MTR: variants seen among roughly 807,000 people sequenced by gnomAD.
MTR encodes the protein methionine synthase.
Under a neutral mutation model 154.8 loss-of-function variants are expected in MTR, and 84 were observed. The ratio of observed to expected loss-of-function variants is 0.54; its 90% CI spans 0.45 to 0.65. The LOEUF is 0.65. MTR is among the 30% of genes least tolerant of loss of function. The pLI is 0.00. For missense variants in MTR, 1,275 were observed against 1,570.2 expected (o/e 0.81, Z 3.18); for synonymous variants, 554 against 553.9 (o/e 1.00, Z 0.00).
At chr1:236,847,660 C>T (rs1663660338) in intron 15 of MTR, among the ~76,000 whole-genome samples, 2 of 152,216 alleles carry the variant, frequency 1.3e-5, no homozygotes, top group African/African-American at 4.8e-5. Flanking sequence ...TCTCACCTGG[C>T]TTTATATTAG....
intron 18 of MTR, 30 bp downstream of exon 18, chr1:236,853,118 T>A (rs775966245): frequency 1.2e-6 from 2 of 1,612,200 alleles, no homozygotes; most frequent in Admixed American, 1.7e-5. Context: ...AATAGATGGA[T>A]TTTTCCTATC....
rs779577547 is a variant in MTR, at chr1:236,853,064, T to C, written c.1929T>C (p.Thr643=). The change falls in exon 18 of 33, where the codon ACT becomes ACC. Residue 643 remains threonine (T), a synonymous_variant. Transcript: ENST00000366577. ...DLIWNKDPEA[T]EKLLRYAQTQ... ...TCTGGAATAAAGACCCTGAGGCCAC[T>C]GAGAAGCTCTTACGTTATGCCCAGG... 6.2e-7 allele frequency: 1 copy of C among 1,614,040 alleles called. No individual in the cohort carries two copies. Among genetic ancestry groups the C allele is most frequent in the Non-Finnish European group, 8.5e-7 (1 of 1,179,918 alleles).
At chr1:236,865,414 G>A (rs1266680163) in intron 22 of MTR, among the ~76,000 whole-genome samples, 1 of 152,196 alleles carries the variant, frequency 6.6e-6, no homozygotes, top group African/African-American at 2.4e-5. Flanking sequence ...ATTGTCTTAT[G>A]GAATAATGTG....
At chr1:236,872,748 A>T (rs947911936) in intron 22 of MTR, among the ~76,000 whole-genome samples, 1 of 152,166 alleles carries the variant, frequency 6.6e-6, no homozygotes, top group South Asian at 2.1e-4. Context: ...ATCCTAGCTC[A>T]AGCCTGTAAT....
At chr1:236,867,872 G>A (rs1054565322) in intron 22 of MTR, among the ~76,000 whole-genome samples, 1 of 152,210 alleles carries the variant, frequency 6.6e-6, no homozygotes, top group Admixed American at 6.5e-5. Flanking sequence ...TTCAACAGAT[G>A]AGGAATTGCT....
At chr1:236,878,163 A>G (rs1296567685) in intron 24 of MTR, among the ~76,000 whole-genome samples, 3 of 152,164 alleles carry the variant, frequency 2.0e-5, no homozygotes, top group Non-Finnish European at 4.4e-5. Context: ...TCTTTGGATA[A>G]CAAAAGTCTT....
At chr1:236,814,250 T>G (rs1661466814) in intron 6 of MTR, among the ~76,000 whole-genome samples, 1 of 152,174 alleles carries the variant, frequency 6.6e-6, no homozygotes, top group South Asian at 2.1e-4. Flanking sequence ...GTAAACAAAT[T>G]ATAATTTGAA....
chr1:236,889,717 A>G (rs945771747), intron 28 of MTR, among the ~76,000 whole-genome samples: 13 of 152,168 alleles, frequency 8.5e-5, no homozygotes, highest in Non-Finnish European at 1.9e-4. Context: ...AGGTCAGGGC[A>G]GGCTTCCTGG....
chr1:236,798,542 T>TA (rs1230239832), intron 1 of MTR, among the ~76,000 whole-genome samples: 1 of 152,152 alleles, frequency 6.6e-6, no homozygotes, highest in Non-Finnish European at 1.5e-5. Context: ...CTGGAGAAAA[T>TA]ACTGTGTGAT....
intron 15 of MTR, 126 bp downstream of exon 15, chr1:236,838,725 C>T (rs766275864): frequency 1.4e-5 from 13 of 949,174 alleles, no homozygotes; most frequent in Non-Finnish European, 2.1e-5. Context: ...CATATACATT[C>T]ATGTACATAT....
rs141910670 is a variant in MTR at position 236,824,758 on chromosome 1, A to AT, written c.865+539_865+540insT. Among the ~76,000 whole-genome samples the AT allele has an allele frequency of 5.4e-3, 818 of 152,354 alleles. 11 individuals are homozygous for AT. Among genetic ancestry groups the AT allele is most frequent in the African/African-American group, 0.018 (767 of 41,586 alleles). The stretch of plus-strand genomic sequence containing the variant: ...TGAGCACTGCTTAGCTACTTAGAGC[A>AT]AAAAGTCATTTTCCAGCCTCTTTTC... On this transcript the variant is annotated intron_variant, in intron 9 of 32. Coordinates refer to ENST00000366577, the MANE Select transcript of MTR (RefSeq NM_000254.3).
chr1:236,885,728 A>G (rs541499903), intron 26 of MTR, among the ~76,000 whole-genome samples: 1 of 152,346 alleles, frequency 6.6e-6, no homozygotes, highest in South Asian at 2.1e-4. Flanking sequence ...AGGCATAATT[A>G]GGCTTTGGAA....
chr1:236,847,364 C>T (rs1228047233), intron 15 of MTR, among the ~76,000 whole-genome samples: 5 of 152,224 alleles, frequency 3.3e-5, no homozygotes, highest in Non-Finnish European at 7.3e-5. Context: ...GTCTTCTACA[C>T]ATTGTCCTTC....
rs1431954928 is a variant in MTR at position 236,894,411 on chromosome 1, G to A, written c.3259G>A (p.Ala1087Thr). 4 of 1,614,182 alleles carry A rather than the reference G, an allele frequency of 2.5e-6. No homozygotes were observed. Among genetic ancestry groups the A allele is most frequent in the Middle Eastern group, 1.6e-4 (1 of 6,062 alleles). Residue 1087 changes from alanine (A) to threonine (T), a missense_variant, in exon 30 of 33, where the codon GCT becomes ACT. Coordinates refer to ENST00000366577, the MANE Select transcript of MTR (RefSeq NM_000254.3). ...ATACTACTGCCTCTCAGACTTCATCGCTCCCTTGCATTCTGGCATCCGTGA... is the reference window on the plus strand; with the variant it reads ...ATACTACTGCCTCTCAGACTTCATCACTCCCTTGCATTCTGGCATCCGTGA... ...EPYYCLSDFI[A>T]PLHSGIRDYL... is the part of the protein sequence containing the mutation.
chr1:236,863,634 T>TG, intron 22 of MTR, 80 bp downstream of exon 22: 3 of 1,242,686 alleles, frequency 2.4e-6, no homozygotes, highest in South Asian at 2.5e-5. Context: ...CTTCAATGGG[T>TG]GGGAAGAGTA....
chr1:236,802,397 A>G (rs1660746419), intron 1 of MTR, among the ~76,000 whole-genome samples: 1 of 152,158 alleles, frequency 6.6e-6, no homozygotes, highest in South Asian at 2.1e-4. Context: ...AAGTAATTTC[A>G]GGAGAGTGGT....
chr1:236,824,081 G>A (rs1467506664), intron 8 of MTR, 38 bp from the exon 9 acceptor site: 2 of 1,499,210 alleles, frequency 1.3e-6, no homozygotes, highest in Non-Finnish European at 1.9e-6. Context: ...ATATGAATGA[G>A]AGATGATGCT....
In MTR at chr1:236,873,816, A is replaced by G; in HGVS notation, c.2449A>G (p.Lys817Glu). The change falls in exon 23 of 33, where the codon AAA becomes GAA. Residue 817 changes from lysine to glutamate, a missense_variant. Transcript: ENST00000366577. The stretch of plus-strand genomic sequence containing the variant: ...CATGACTCCATGTGATAAGATACTG[A>G]AAGCTGCTCTTGACCACAAAGCAGG... ...GVMTPCDKIL[K>E]AALDHKADII... The G allele has an allele frequency of 6.2e-7, 1 of 1,614,160 alleles. No individual in the cohort carries two copies. The highest frequency in any genetic ancestry group is 8.5e-7 in the Non-Finnish European group (1 of 1,179,998).
At chr1:236,796,311 A>G (rs1023933344) in intron 1 of MTR, among the ~76,000 whole-genome samples, 1 of 152,206 alleles carries the variant, frequency 6.6e-6, no homozygotes, top group African/African-American at 2.4e-5. Context: ...AGTAATTTCA[A>G]GCGATTCTGA....
Sources: gnomAD v4.1 joint callset for allele counts (sites outside exome capture counted in the v4.1 genomes callset) on GRCh38, gnomAD v4.1.1 for gene constraint, MANE v1.5 for transcripts, NCBI Gene and HGNC (gene_info 2026-07-23, HGNC 2026-07-21) for gene names.